Variants in CABP1 observed in about 807,000 individuals in gnomAD.
The protein encoded by CABP1 is calcium-binding protein 1.
CABP1 carries 17 observed loss-of-function variants against 34.3 expected under a neutral mutation model. The ratio of observed to expected loss-of-function variants is 0.50; its 90% CI spans 0.34 to 0.74. CABP1 has a LOEUF of 0.74. Among genes scored for constraint, CABP1 ranks in the 30% least tolerant of loss-of-function variants. The pLI is 0.01. For missense variants in CABP1, 373 were observed against 511.1 expected, an observed-to-expected ratio of 0.73 and a Z score of 2.61; for synonymous variants, 198 against 229.2, an observed-to-expected ratio of 0.86 and a Z score of 1.23.
At chr12:120,676,267 T>C in the CABP1 span, among the ~76,000 whole-genome samples, 1 of 152,202 alleles carries the variant, frequency 6.6e-6, no homozygotes, top group African/African-American at 2.4e-5. Flanking sequence ...TAGACTACCT[T>C]CCCATCATGG....
intron 1 of CABP1, chr12:120,656,038 G>A (rs751122848): frequency 1.0e-4 from 166 of 1,611,648 alleles, no homozygotes; most frequent in South Asian, 1.9e-4. Flanking sequence ...GAGCCAGGCT[G>A]GGCAGGGAGG....
In CABP1 at chr12:120,641,283, G is replaced by C. The variant is rs1879308877; in HGVS notation, c.598G>C (p.Glu200Gln). ...GGACTCCGTTCCAGCCGCCGCGTCC[G>C]AGGCGGACCCGTTCCTCCACCGGCT... ...RGDSVPAAAS[E>Q]ADPFLHRLRP... The change falls in exon 1 of 6, where the codon GAG (glutamate) becomes CAG (glutamine). Residue 200 changes from glutamate to glutamine, a missense_variant. Glu to Gln is a conservative substitution (Grantham distance 29). Coordinates refer to ENST00000316803, the MANE Select transcript of CABP1 (RefSeq NM_001033677.2). This position sits in a 1 kb window ranked among gnomAD's most constrained non-coding sequence, Gnocchi z 6.7. The C allele has an allele frequency of 3.0e-6, 4 of 1,315,906 alleles. No individual in the cohort carries two copies. The highest frequency in any genetic ancestry group is 5.2e-4 in the Middle Eastern group (2 of 3,824). The allele number at this position is 1,315,906 out of a possible 1,614,324, so 81.5% of individuals were successfully genotyped here. A position where few individuals can be genotyped will look rare whatever the true frequency, so the allele number is the denominator to read the frequency against.
intron 5 of CABP1, among the ~76,000 whole-genome samples, chr12:120,666,473 C>CAA (rs55848637): frequency 2.0e-3 from 158 of 80,998 alleles, no homozygotes; most frequent in Middle Eastern, 6.4e-3. Flanking sequence ...GACTCCATCT[C>CAA]AAAAAAAAAA....
chr12:120,662,439 C>T (rs1285514659), intron 5 of CABP1: 2 of 152,248 alleles, frequency 1.3e-5, no homozygotes, highest in Non-Finnish European at 2.9e-5. Flanking sequence ...TGGCTCACTG[C>T]AAACTGCGCC....
At chr12:120,646,799 C>T (rs10849775) in intron 1 of CABP1, among the ~76,000 whole-genome samples, 33,209 of 152,176 alleles carry the variant, frequency 0.22, 4,031 homozygotes, top group African/African-American at 0.34. Flanking sequence ...AGGCATAAGC[C>T]GCCATACCCA....
intron 1 of CABP1, chr12:120,655,412 G>T: frequency 2.6e-6 from 1 of 387,444 alleles, no homozygotes; most frequent in Non-Finnish European, 3.6e-6. Context: ...CAGCCTGGGC[G>T]ACAGAGTGCA....
Position 120,641,375 on chromosome 12 carries a change from A to C in CABP1, c.654+36A>C, listed in dbSNP as rs907251315. ...CGCCTCCCGTCAGCGCTCCCGGGAA[A>C]GGCGCTCGGGACCCTGCCGGCCGCG... On this transcript the variant is annotated intron_variant, in intron 1 of 5. Transcript: ENST00000316803. The surrounding 1 kb of genome is among the most constrained non-coding windows in gnomAD (Gnocchi z 6.7). The C allele has an allele frequency of 2.4e-6, 3 of 1,253,544 alleles. No homozygotes were observed. Among genetic ancestry groups the C allele is most frequent in the African/African-American group, 3.1e-5 (2 of 64,342 alleles). 77.7% of individuals were successfully genotyped at this position (1,253,544 alleles called of 1,614,324 possible). A position where few individuals can be genotyped will look rare whatever the true frequency, so the allele number is the denominator to read the frequency against.
At chr12:120,677,084 G>T in the CABP1 span, among the ~76,000 whole-genome samples, 36 of 127,776 alleles carry the variant, frequency 2.8e-4, no homozygotes, top group South Asian at 7.7e-4. Flanking sequence ...GAAGTTTGTG[G>T]TTTTTTTTTT....
rs11322476 is a variant in CABP1, at chr12:120,650,433, CAAA to C, written c.654+9106_654+9108del. 843 of 1,230,150 alleles carry C rather than the reference CAAA, an allele frequency of 6.9e-4. No homozygotes were observed. In the East Asian group the frequency reaches 6.9e-3, roughly 10 times the overall value. 76.2% of individuals were successfully genotyped at this position (1,230,150 alleles called of 1,614,324 possible). A position where few individuals can be genotyped will look rare whatever the true frequency, so the allele number is the denominator to read the frequency against. On this transcript the variant is annotated intron_variant, in intron 1 of 5. Coordinates refer to ENST00000316803, the MANE Select transcript of CABP1 (RefSeq NM_001033677.2). ...CACACAAACACACACACAATCCACC[CAAA>C]AAAAAAAAAAATCGGAGAGCAGGAG...
chr12:120,677,412 T>TTTTC, the CABP1 span, among the ~76,000 whole-genome samples: 9 of 124,908 alleles, frequency 7.2e-5, no homozygotes, highest in South Asian at 2.9e-4. Flanking sequence ...TTTTTTTTTT[T>TTTTC]TTGAGACAGA....
intron 1 of CABP1, among the ~76,000 whole-genome samples, chr12:120,642,701 A>G (rs2137325165): frequency 6.6e-6 from 1 of 152,324 alleles, no homozygotes; most frequent in Middle Eastern, 3.4e-3. Context: ...CTGCCAGGGC[A>G]CGAGTGGTCT....
Position 120,660,476 on chromosome 12 carries a change from T to C in CABP1, c.829+137T>C. 1.0e-6 allele frequency: 1 copy of C among 982,306 alleles called. No individual in the cohort carries two copies. 60.8% of individuals were successfully genotyped at this position (982,306 alleles called of 1,614,324 possible). ...TCTGGGGCCAACCACTTACCCTCTC[T>C]GAGCCTCAGTTTCCTCACCTGTAAA... On this transcript the variant is annotated intron_variant, in intron 3 of 5. Coordinates refer to ENST00000316803, the MANE Select transcript of CABP1 (RefSeq NM_001033677.2). This position sits in a 1 kb window ranked among gnomAD's most constrained non-coding sequence, Gnocchi z 5.0.
intron 5 of CABP1, chr12:120,662,038 A>G (rs1880680517): frequency 6.6e-6 from 1 of 152,206 alleles, no homozygotes; most frequent in African/African-American, 2.4e-5. Flanking sequence ...GCATTGATCT[A>G]TCCATCTATC....
chr12:120,666,303 A>G (rs915808956), intron 5 of CABP1, among the ~76,000 whole-genome samples: 10 of 151,240 alleles, frequency 6.6e-5, no homozygotes, highest in Middle Eastern at 3.4e-3. Context: ...GTGAAACCCC[A>G]TCTCTACTAA....
In CABP1 at chr12:120,660,614, A is replaced by T; in HGVS notation, c.830-117A>T. 1 of 773,854 alleles carries T rather than the reference A, an allele frequency of 1.3e-6. No individual in the cohort carries two copies. The highest frequency in any genetic ancestry group is 2.2e-6 in the Non-Finnish European group (1 of 445,546). The allele number at this position is 773,854 out of a possible 1,614,324, so 47.9% of individuals were successfully genotyped here. ...TGAACAGAGGGCTCTTGTTATTATTAAGTTTGTCTCTATCTGATGAGCAGG... is the reference window on the plus strand; with the variant it reads ...TGAACAGAGGGCTCTTGTTATTATTTAGTTTGTCTCTATCTGATGAGCAGG... On this transcript the variant is annotated intron_variant, in intron 3 of 5. Coordinates refer to ENST00000316803, the MANE Select transcript of CABP1 (RefSeq NM_001033677.2). The surrounding 1 kb of genome is among the most constrained non-coding windows in gnomAD (Gnocchi z 5.0).
the CABP1 span, among the ~76,000 whole-genome samples, chr12:120,678,794 G>C: frequency 2.1e-3 from 316 of 152,082 alleles, 5 homozygotes; most frequent in East Asian, 0.035. Flanking sequence ...CATCCTGGAC[G>C]GGCGTGGTGA....
chr12:120,657,760 CT>C (rs1880333016), intron 1 of CABP1, among the ~76,000 whole-genome samples: 1 of 152,196 alleles, frequency 6.6e-6, no homozygotes, highest in South Asian at 2.1e-4. Context: ...GCCCCCGGGG[CT>C]TTGGGTGTAC....
intron 1 of CABP1, among the ~76,000 whole-genome samples, chr12:120,642,621 C>T (rs1040093022): frequency 6.6e-6 from 1 of 151,904 alleles, no homozygotes; most frequent in African/African-American, 2.4e-5. Context: ...GATGCAGAGC[C>T]GTGAGAGTTA....
At chr12:120,673,892 G>A in the CABP1 span, among the ~76,000 whole-genome samples, 1 of 152,178 alleles carries the variant, frequency 6.6e-6, no homozygotes, top group African/African-American at 2.4e-5. Flanking sequence ...CATCGTAAAT[G>A]TTTTTGCTGC....
Sources: allele counts gnomAD v4.1 joint callset (sites outside exome capture counted in the v4.1 genomes callset), GRCh38; gene constraint gnomAD v4.1.1; non-coding constraint Gnocchi (gnomAD v3.1); transcripts MANE v1.5; gene names NCBI Gene and HGNC (gene_info 2026-07-23, HGNC 2026-07-21).